Variants in PTPRN2 observed in about 807,000 individuals in gnomAD.
The protein encoded by PTPRN2 is protein tyrosine phosphatase receptor type N2, also known as receptor-type tyrosine-protein phosphatase N2.
In PTPRN2, 74 loss-of-function variants were observed where a neutral mutation model predicts 118.8. The ratio of observed to expected loss-of-function variants is 0.62; its 90% CI spans 0.52 to 0.76. PTPRN2 has a LOEUF of 0.76. Among genes scored for constraint, PTPRN2 ranks in the 30% least tolerant of loss-of-function variants. PTPRN2 has a pLI of 0.00. For missense variants in PTPRN2, 1,481 were observed against 1,394.4 expected, an observed-to-expected ratio of 1.06 and a Z score of -0.99; for synonymous variants, 641 against 608.0, an observed-to-expected ratio of 1.05 and a Z score of -0.80.
intron 14 of PTPRN2, among the ~76,000 whole-genome samples, chr7:157,646,462 T>C (rs537375663): frequency 6.6e-6 from 1 of 152,346 alleles, no homozygotes; most frequent in South Asian, 2.1e-4. Flanking sequence ...CCATGCTTCC[T>C]GTACAGCCTA....
intron 5 of PTPRN2, among the ~76,000 whole-genome samples, chr7:158,172,997 CCCA>C (rs1435365358): frequency 6.7e-6 from 1 of 149,912 alleles, no homozygotes; most frequent in Non-Finnish European, 1.5e-5. Context: ...ACAGCAGCAT[CCCA>C]CCAATATCAT....
intron 21 of PTPRN2, among the ~76,000 whole-genome samples, chr7:157,555,272 G>GT (rs369205864): frequency 3.0e-4 from 46 of 151,450 alleles, no homozygotes; most frequent in Middle Eastern, 3.4e-3. Flanking sequence ...ACAACAGAGG[G>GT]TTTTTTTTTA....
chr7:158,511,926 AT>A (rs1056650214), intron 1 of PTPRN2, among the ~76,000 whole-genome samples: 1 of 152,102 alleles, frequency 6.6e-6, no homozygotes, highest in African/African-American at 2.4e-5. Context: ...GAAATAGATG[AT>A]TTTTTTAGGG....
intron 12 of PTPRN2, among the ~76,000 whole-genome samples, chr7:157,735,788 G>T (rs1430837393): frequency 1.3e-5 from 2 of 152,016 alleles, no homozygotes; most frequent in Non-Finnish European, 2.9e-5. Flanking sequence ...GGCGCCTTTG[G>T]TCCCCGTCCT....
chr7:157,770,501 C>T (rs578181486), intron 12 of PTPRN2, among the ~76,000 whole-genome samples: 6 of 152,146 alleles, frequency 3.9e-5, no homozygotes, highest in Non-Finnish European at 5.9e-5. Context: ...ATTATGAATG[C>T]GTGAAGCTAA....
At chr7:158,035,228 A>T (rs1352774694) in intron 11 of PTPRN2, among the ~76,000 whole-genome samples, 1 of 152,256 alleles carries the variant, frequency 6.6e-6, no homozygotes, top group African/African-American at 2.4e-5. Flanking sequence ...CAAGTGTCTC[A>T]AGTATAAAAC....
At chr7:158,564,559 A>C (rs1827563712) in intron 1 of PTPRN2, among the ~76,000 whole-genome samples, 1 of 152,266 alleles carries the variant, frequency 6.6e-6, no homozygotes, top group African/African-American at 2.4e-5. Flanking sequence ...GGCAGTTGCC[A>C]GGGAGCCAGG....
At chr7:157,963,134 G>A (rs928644166) in intron 11 of PTPRN2, among the ~76,000 whole-genome samples, 2 of 152,210 alleles carry the variant, frequency 1.3e-5, no homozygotes, top group East Asian at 1.9e-4. Context: ...TGACAGCCAC[G>A]GTGCAAGTCA....
chr7:158,469,945 T>G (rs925495115), intron 2 of PTPRN2, among the ~76,000 whole-genome samples: 3 of 151,800 alleles, frequency 2.0e-5, no homozygotes, highest in African/African-American at 7.3e-5. Context: ...TAACAGGAGC[T>G]GGGATTTGTC....
At chr7:157,600,195 C>G in intron 16 of PTPRN2, among the ~76,000 whole-genome samples, 1 of 137,854 alleles carries the variant, frequency 7.3e-6, no homozygotes, top group Non-Finnish European at 1.6e-5. Flanking sequence ...CTGCCCACCT[C>G]TCCACCTGCC....
At chr7:158,569,668 A>ACTGACAGGAACTCGGGGCGCGAGGCCGC (rs1827869906) in intron 1 of PTPRN2, among the ~76,000 whole-genome samples, 2 of 112,846 alleles carry the variant, frequency 1.8e-5, no homozygotes, top group Non-Finnish European at 3.7e-5. Flanking sequence ...AGGCCGCCTA[A>ACTGACAGGAACTCGGGGCGCGAGGCCGC]CTGACAGGAA....
chr7:157,852,085 G>A (rs895583705), intron 12 of PTPRN2, among the ~76,000 whole-genome samples: 3 of 152,250 alleles, frequency 2.0e-5, no homozygotes, highest in African/African-American at 7.2e-5. Flanking sequence ...GTTTGCAGCG[G>A]TGCCCGCTGA....
intron 11 of PTPRN2, among the ~76,000 whole-genome samples, chr7:158,009,328 C>T (rs1329252486): frequency 6.6e-6 from 1 of 152,126 alleles, no homozygotes; most frequent in East Asian, 1.9e-4. Flanking sequence ...CGTCACCACT[C>T]AGCTAGGTTC....
chr7:157,541,627 G>A (rs1798019286), intron 22 of PTPRN2, among the ~76,000 whole-genome samples: 1 of 152,194 alleles, frequency 6.6e-6, no homozygotes, highest in Non-Finnish European at 1.5e-5. Context: ...CAGGCCAGCA[G>A]CACTCCAGCT....
intron 11 of PTPRN2, among the ~76,000 whole-genome samples, chr7:158,017,359 C>T (rs1806531538): frequency 6.6e-6 from 1 of 152,078 alleles, no homozygotes; most frequent in Non-Finnish European, 1.5e-5. Context: ...TGCCCAGCCC[C>T]TCCCTGGGGA....
intron 13 of PTPRN2, among the ~76,000 whole-genome samples, chr7:157,677,880 T>G (rs954105020): frequency 6.6e-6 from 1 of 152,146 alleles, no homozygotes; most frequent in Non-Finnish European, 1.5e-5. Context: ...TGTGCCGCCA[T>G]GGAGTATGGG....
chr7:158,330,067 AC>A (rs1228786104), intron 2 of PTPRN2, among the ~76,000 whole-genome samples: 36 of 149,802 alleles, frequency 2.4e-4, no homozygotes, highest in East Asian at 5.9e-4. Context: ...CCACACTCTC[AC>A]CATAAGAGCT....
At chr7:157,959,981 G>A (rs1585090992) in intron 11 of PTPRN2, among the ~76,000 whole-genome samples, 1 of 152,316 alleles carries the variant, frequency 6.6e-6, no homozygotes, top group African/African-American at 2.4e-5. Context: ...TCTATACACG[G>A]CGGGGTATTA....
intron 15 of PTPRN2, among the ~76,000 whole-genome samples, chr7:157,608,162 G>T (rs1028515870): frequency 6.6e-6 from 1 of 152,148 alleles, no homozygotes; most frequent in Non-Finnish European, 1.5e-5. Context: ...CCACCTCTCG[G>T]GTTCAAGTGA....
Sources: allele counts gnomAD v4.1 joint callset (sites outside exome capture counted in the v4.1 genomes callset), GRCh38; gene constraint gnomAD v4.1.1; transcripts MANE v1.5; gene names NCBI Gene and HGNC (gene_info 2026-07-23, HGNC 2026-07-21).